The following FXR1 variants were observed in gnomAD, a reference collection of about 807,000 sequenced individuals.
FXR1 encodes RNA-binding protein FXR1.
FXR1 carries 15 observed loss-of-function variants against 84.0 expected under a neutral mutation model. That is an observed-to-expected ratio of 0.18 (90% CI 0.12 to 0.27). The LOEUF is 0.27. Among genes scored for constraint, FXR1 ranks in the 10% least tolerant of loss-of-function variants. The pLI, the probability that FXR1 is intolerant of heterozygous loss-of-function variation, is 1.00. For synonymous variants in FXR1, 245 were observed against 250.7 expected (o/e 0.98, Z 0.21); for missense variants, 480 against 774.4 (o/e 0.62, Z 4.51).
intron 13 of FXR1, among the ~76,000 whole-genome samples, chr3:180,966,974 T>G (rs987204630): frequency 1.3e-5 from 2 of 151,876 alleles, no homozygotes; most frequent in Non-Finnish European, 2.9e-5. Flanking sequence ...TTGTGGTGTT[T>G]AAATAAATTT....
intron 1 of FXR1, among the ~76,000 whole-genome samples, chr3:180,926,095 CTT>C (rs1361508200): frequency 6.6e-6 from 1 of 152,116 alleles, no homozygotes; most frequent in African/African-American, 2.4e-5. Flanking sequence ...ATGAACTGCA[CTT>C]TTTTCTTTTT....
At chr3:180,938,156 A>G (rs957907868) in intron 3 of FXR1, among the ~76,000 whole-genome samples, 3 of 152,206 alleles carry the variant, frequency 2.0e-5, no homozygotes, top group African/African-American at 7.2e-5. Flanking sequence ...TGCTGTTAGC[A>G]AAAGAAAACA....
At chr3:180,948,535 A>G in intron 5 of FXR1, 40 bp downstream of exon 5, 8 of 1,447,586 alleles carry the variant, frequency 5.5e-6, no homozygotes, top group South Asian at 4.9e-5. Flanking sequence ...TCTGTGAATT[A>G]AGAAGATTTT....
Position 180,951,364 on chromosome 3 carries a change from G to A in FXR1, c.697G>A (p.Ala233Thr). ...FVVREDLMGL[A>T]IGTHGSNIQQ... Reference sequence around the variant, plus strand: ...TGTGAGAGAAGATTTAATGGGCCTGGCAATAGGAACACATGGTAGTAACAT... The same window carrying A: ...TGTGAGAGAAGATTTAATGGGCCTGACAATAGGAACACATGGTAGTAACAT... The change falls in exon 8 of 17, where the codon GCA becomes ACA. Residue 233 changes from alanine (A) to threonine (T), a missense_variant. Physicochemically the swap from Ala to Thr is moderately conservative, Grantham distance 58. Coordinates refer to ENST00000357559, the MANE Select transcript of FXR1 (RefSeq NM_005087.4). 1 of 1,608,150 alleles carries A rather than the reference G, an allele frequency of 6.2e-7. No individual in the cohort carries two copies. The highest frequency in any genetic ancestry group is 8.5e-7 in the Non-Finnish European group (1 of 1,174,518).
intron 3 of FXR1, among the ~76,000 whole-genome samples, chr3:180,946,884 G>GC (rs1334583681): frequency 6.6e-6 from 1 of 152,082 alleles, no homozygotes; most frequent in African/African-American, 2.4e-5. Flanking sequence ...TTTCTTCTCA[G>GC]CCCCCCTTTT....
At chr3:180,931,999 C>T (rs1362212183) in intron 1 of FXR1, among the ~76,000 whole-genome samples, 1 of 141,792 alleles carries the variant, frequency 7.1e-6, no homozygotes, top group Non-Finnish European at 1.5e-5. Flanking sequence ...TCTTGTTCTT[C>T]CAAAGTGCTG....
Position 180,918,549 on chromosome 3 carries a change from A to G in FXR1, c.51+5813A>G, listed in dbSNP as rs144086734. On this transcript the variant is annotated intron_variant, in intron 1 of 16. Coordinates refer to ENST00000357559, the MANE Select transcript of FXR1 (RefSeq NM_005087.4). ...TCACTCTGGATAAGTTCTCTATCACAGTGTTTAAGGTTGTCAAATTAGCTT... is the reference window on the plus strand; with the variant it reads ...TCACTCTGGATAAGTTCTCTATCACGGTGTTTAAGGTTGTCAAATTAGCTT... 4.7e-4 allele frequency among the ~76,000 whole-genome samples: 72 copies of G among 152,364 alleles called. 1 individual carries two copies. The East Asian group carries it at 0.012, about 26-fold the overall frequency.
At chr3:180,940,585 C>CTTTTTTTTTTT (rs58770842) in intron 3 of FXR1, among the ~76,000 whole-genome samples, 1 of 147,432 alleles carries the variant, frequency 6.8e-6, no homozygotes, top group African/African-American at 2.5e-5. Flanking sequence ...TTTCTGTTTT[C>CTTTTTTTTTTT]TTTTTTTTTT....
intron 2 of FXR1, among the ~76,000 whole-genome samples, chr3:180,933,787 A>G (rs1720206049): frequency 6.6e-6 from 1 of 152,128 alleles, no homozygotes; most frequent in South Asian, 2.1e-4. Context: ...TGGGAAAGAC[A>G]GCATGCTGGG....
At chr3:180,963,151 G>A (rs1712355679) in intron 13 of FXR1, 61 bp downstream of exon 13, 1 of 704,470 alleles carries the variant, frequency 1.4e-6, no homozygotes, top group South Asian at 1.7e-5. Context: ...TATAGTTTAG[G>A]TGCTCTAACA....
intron 7 of FXR1, among the ~76,000 whole-genome samples, chr3:180,950,321 A>T (rs902626472): frequency 2.0e-5 from 3 of 152,238 alleles, no homozygotes; most frequent in Non-Finnish European, 2.9e-5. Flanking sequence ...ATCTGCCTGT[A>T]TCTGGAAAAG....
At chr3:180,915,425 C>T (rs1471498359) in intron 1 of FXR1, 1 of 907,052 alleles carries the variant, frequency 1.1e-6, no homozygotes, top group Non-Finnish European at 1.7e-6. Context: ...TAGAATCGTA[C>T]ACTATATTGT....
chr3:180,950,452 A>T (rs1722115423), intron 7 of FXR1, among the ~76,000 whole-genome samples: 1 of 152,098 alleles, frequency 6.6e-6, no homozygotes, highest in Admixed American at 6.5e-5. Flanking sequence ...AAAAAAATTT[A>T]TGTGGGTTTT....
rs562562027 is a variant in FXR1, at chr3:180,930,409, C to CA, written c.52-2922dup. On this transcript the variant is annotated intron_variant, in intron 1 of 16. Transcript: ENST00000357559. The stretch of plus-strand genomic sequence containing the variant: ...TTAGATAGAAAAAAGGTTTTTATTA[C>CA]AAAGGAGAGTGAGAGATTATTATAA... Among the ~76,000 whole-genome samples the CA allele has an allele frequency of 2.6e-4, 40 of 152,104 alleles. No homozygotes were observed. In the South Asian group the frequency reaches 8.1e-3, roughly 31 times the overall value.
rs937764335 is a variant in FXR1, at chr3:180,912,822, TG to T, written c.51+90del. The T allele has an allele frequency of 1.9e-6, 3 of 1,605,482 alleles. No individual in the cohort carries two copies. The African/African-American group carries it at 4.0e-5, about 22-fold the overall frequency. Reference sequence around the variant, plus strand: ...GTTGGTGGTCCCAGAGAGTGAGGTTTGGGGTCGGAAAGGCAGCCAGGCCAAA... The same window carrying T: ...GTTGGTGGTCCCAGAGAGTGAGGTTTGGGTCGGAAAGGCAGCCAGGCCAAA... On this transcript the variant is annotated intron_variant, in intron 1 of 16. Coordinates refer to ENST00000357559, the MANE Select transcript of FXR1 (RefSeq NM_005087.4).
intron 1 of FXR1, chr3:180,927,547 C>T: frequency 3.6e-6 from 2 of 557,452 alleles, no homozygotes; most frequent in South Asian, 4.6e-5. Context: ...ACAACGGCTC[C>T]TGTCAAGTTG....
At chr3:180,939,063 T>A (rs1287403150) in intron 3 of FXR1, among the ~76,000 whole-genome samples, 1 of 152,056 alleles carries the variant, frequency 6.6e-6, no homozygotes, top group East Asian at 1.9e-4. Flanking sequence ...CCCAGCTAAT[T>A]TTTTTATTTT....
At chr3:180,928,799 T>A (rs991709187) in intron 1 of FXR1, among the ~76,000 whole-genome samples, 6 of 152,186 alleles carry the variant, frequency 3.9e-5, no homozygotes, top group Non-Finnish European at 5.9e-5. Flanking sequence ...AACCTTTTTT[T>A]AAAAAATTGT....
chr3:180,936,927 T>G (rs1185621016), intron 3 of FXR1, among the ~76,000 whole-genome samples: 1 of 152,194 alleles, frequency 6.6e-6, no homozygotes, highest in Admixed American at 6.5e-5. Context: ...AAAATGTTAC[T>G]GGTGGCATCT....
Sources: gnomAD v4.1 joint callset for allele counts (sites outside exome capture counted in the v4.1 genomes callset) on GRCh38, gnomAD v4.1.1 for gene constraint, MANE v1.5 for transcripts, NCBI Gene and HGNC (gene_info 2026-07-23, HGNC 2026-07-21) for gene names.